Variants in SUPT3H observed in about 807,000 individuals in gnomAD.
SUPT3H encodes transcription initiation protein SPT3 homolog.
SUPT3H carries 44 observed loss-of-function variants against 44.3 expected under a neutral mutation model. That is an observed-to-expected ratio of 0.99 (90% CI 0.78 to 1.28). The LOEUF (loss-of-function observed/expected upper bound fraction) is 1.28, where lower values mean the gene tolerates loss of function less well. Ranked by LOEUF, SUPT3H falls within the 50% of genes most tolerant of loss-of-function variation. The pLI, the probability that SUPT3H is intolerant of heterozygous loss-of-function variation, is 0.00. For synonymous variants in SUPT3H, 124 were observed against 125.6 expected (o/e 0.99, Z 0.09); for missense variants, 380 against 387.1 (o/e 0.98, Z 0.15).
At position 44,864,223 on chromosome 6, in the gene SUPT3H, A is replaced by T. The variant is rs1775122424; in HGVS notation, c.913-34366T>A. Among the ~76,000 whole-genome samples the T allele has an allele frequency of 2.0e-5, 3 of 152,368 alleles. 1 individual carries two copies. Among genetic ancestry groups the T allele is most frequent in the Non-Finnish European group, 4.4e-5 (3 of 68,040 alleles). On this transcript the variant is annotated intron_variant, in intron 10 of 10. Coordinates refer to ENST00000371459, the MANE Select transcript of SUPT3H (RefSeq NM_003599.4). ...GAGCCTGTAAAATCAAAAGCAAGTTAGTTAATTCCTAGATATAATGAAGGT... is the reference window on the plus strand; with the variant it reads ...GAGCCTGTAAAATCAAAAGCAAGTTTGTTAATTCCTAGATATAATGAAGGT...
chr6:44,842,920 G>A (rs548058633), intron 10 of SUPT3H, among the ~76,000 whole-genome samples: 3 of 151,960 alleles, frequency 2.0e-5, no homozygotes, highest in East Asian at 1.9e-4. Context: ...AAAGACCCAC[G>A]TCTACTGACT....
chr6:45,319,284 T>C (rs938781717), intron 2 of SUPT3H, among the ~76,000 whole-genome samples: 4 of 152,172 alleles, frequency 2.6e-5, no homozygotes, highest in African/African-American at 7.2e-5. Context: ...AACAATCACT[T>C]TGGAACTTTA....
intron 3 of SUPT3H, among the ~76,000 whole-genome samples, chr6:45,050,695 T>C (rs1159618011): frequency 6.6e-6 from 1 of 152,148 alleles, no homozygotes. Context: ...ACAAGGTCAA[T>C]GAGTAGGCAT....
At chr6:44,986,489 C>G (rs1467702620) in intron 6 of SUPT3H, among the ~76,000 whole-genome samples, 1 of 152,124 alleles carries the variant, frequency 6.6e-6, no homozygotes, top group African/African-American at 2.4e-5. Context: ...ATTTATTGCA[C>G]TTGGTAGAGG....
At chr6:45,047,801 T>G (rs1270550255) in intron 3 of SUPT3H, among the ~76,000 whole-genome samples, 9 of 152,186 alleles carry the variant, frequency 5.9e-5, no homozygotes. Context: ...ATATGCAAAG[T>G]CATATCTCAT....
chr6:45,012,818 G>T (rs1376095730), intron 5 of SUPT3H, among the ~76,000 whole-genome samples: 1 of 152,062 alleles, frequency 6.6e-6, no homozygotes, highest in Non-Finnish European at 1.5e-5. Context: ...CCTGGGGCTT[G>T]TCATTGTTTA....
intron 2 of SUPT3H, among the ~76,000 whole-genome samples, chr6:45,250,242 A>C (rs1772117546): frequency 6.6e-6 from 1 of 152,174 alleles, no homozygotes; most frequent in African/African-American, 2.4e-5. Context: ...AAATAAAGGG[A>C]GTAAAAGAAA....
intron 3 of SUPT3H, among the ~76,000 whole-genome samples, chr6:45,069,583 C>T (rs1389618774): frequency 1.3e-5 from 2 of 152,012 alleles, no homozygotes; most frequent in African/African-American, 4.8e-5. Flanking sequence ...TGGAAGAAAA[C>T]AGTACACTCA....
chr6:45,132,196 T>G (rs1219635840), intron 2 of SUPT3H, among the ~76,000 whole-genome samples: 1 of 152,176 alleles, frequency 6.6e-6, no homozygotes, highest in Non-Finnish European at 1.5e-5. Flanking sequence ...CTCCTGGCAC[T>G]GGCAATTCCA....
At chr6:45,251,248 G>A (rs888182569) in intron 2 of SUPT3H, 1 of 152,136 alleles carries the variant, frequency 6.6e-6, no homozygotes, top group Admixed American at 6.5e-5. Flanking sequence ...AGATGTATGT[G>A]TATGTATGTG....
At chr6:44,846,524 G>A (rs1208154474) in intron 10 of SUPT3H, among the ~76,000 whole-genome samples, 1 of 152,170 alleles carries the variant, frequency 6.6e-6, no homozygotes, top group African/African-American at 2.4e-5. Flanking sequence ...TGGGAAAAAG[G>A]AGGTAAGACC....
rs148701965 is a variant in SUPT3H at position 45,120,410 on chromosome 6, C to T, written c.102-14404G>A. Among the ~76,000 whole-genome samples, 329 of 62,252 alleles carry T rather than the reference C, an allele frequency of 5.3e-3. 3 individuals carry two copies. Among genetic ancestry groups the T allele is most frequent in the African/African-American group, 0.016 (303 of 18,368 alleles). 40.8% of individuals were successfully genotyped at this position (62,252 alleles called of 152,430 possible). ...ATCCAGTCTGGGTAACAGTGTGAGA[C>T]CTTGTCTAAAAAAAAAAAAAAAAAA... On this transcript the variant is annotated intron_variant, in intron 2 of 10. Coordinates refer to ENST00000371459, the MANE Select transcript of SUPT3H (RefSeq NM_003599.4).
At chr6:45,266,111 G>A (rs1424387582) in intron 2 of SUPT3H, among the ~76,000 whole-genome samples, 1 of 151,844 alleles carries the variant, frequency 6.6e-6, no homozygotes, top group East Asian at 1.9e-4. Flanking sequence ...ACCTCAATCA[G>A]TTGGAAGCTT....
chr6:45,342,256 A>G (rs1396420174), intron 2 of SUPT3H, among the ~76,000 whole-genome samples: 1 of 152,078 alleles, frequency 6.6e-6, no homozygotes, highest in Non-Finnish European at 1.5e-5. Flanking sequence ...TAAGTTATAT[A>G]TAACACAATC....
chr6:45,031,050 ACTTT>A (rs571589185), intron 3 of SUPT3H, among the ~76,000 whole-genome samples: 335 of 152,314 alleles, frequency 2.2e-3, no homozygotes, highest in African/African-American at 7.7e-3. Context: ...AACCATCTTG[ACTTT>A]CTTTGTCTCA....
chr6:45,243,193 T>C (rs1218022028), intron 2 of SUPT3H, among the ~76,000 whole-genome samples: 7 of 38,540 alleles, frequency 1.8e-4, no homozygotes, highest in Non-Finnish European at 2.4e-4. Flanking sequence ...GCGAGACTCC[T>C]TCTCAAAAAA....
At chr6:45,167,186 T>C (rs998737276) in intron 2 of SUPT3H, among the ~76,000 whole-genome samples, 1 of 152,168 alleles carries the variant, frequency 6.6e-6, no homozygotes, top group Non-Finnish European at 1.5e-5. Context: ...GACAGAAGTG[T>C]AGGTACTATA....
At chr6:45,102,650 T>C (rs899075965) in intron 3 of SUPT3H, among the ~76,000 whole-genome samples, 1 of 152,124 alleles carries the variant, frequency 6.6e-6, no homozygotes, top group Admixed American at 6.6e-5. Context: ...AAAGCTATTA[T>C]AAAGATGTTG....
rs781099154 is a variant in SUPT3H at position 45,020,536 on chromosome 6, G to A, written c.273+10C>T. 1.3e-6 allele frequency: 2 copies of A among 1,598,372 alleles called. No homozygotes were observed. Among genetic ancestry groups the A allele is most frequent in the South Asian group, 1.1e-5 (1 of 88,906 alleles). On this transcript the variant is annotated intron_variant, in intron 4 of 10. Transcript: ENST00000371459. ...GTGGATTTTAATACAATAAAATTAT[G>A]TTATATTACCTTATCTTTGCGCATC...
Sources: gnomAD v4.1 joint callset for allele counts (sites outside exome capture counted in the v4.1 genomes callset) on GRCh38, gnomAD v4.1.1 for gene constraint, MANE v1.5 for transcripts, NCBI Gene and HGNC (gene_info 2026-07-23, HGNC 2026-07-21) for gene names.